ZNF442: variants seen among roughly 807,000 people sequenced by gnomAD.
The protein encoded by ZNF442 is zinc finger protein 442.
A neutral mutation model predicts 57.0 loss-of-function variants in ZNF442; 45 were observed. The ratio of observed to expected loss-of-function variants is 0.79; its 90% CI spans 0.62 to 1.01. The LOEUF is 1.01. Among genes scored for constraint, ZNF442 ranks in the 50% least tolerant of loss-of-function variants. ZNF442 has a pLI of 0.00. For synonymous variants in ZNF442, 213 were observed against 241.8 expected, an observed-to-expected ratio of 0.88 and a Z score of 1.10; for missense variants, 690 against 756.5, an observed-to-expected ratio of 0.91 and a Z score of 1.03.
chr19:12,360,325 A>G (rs1400858579), intron 3 of ZNF442, among the ~76,000 whole-genome samples: 2 of 152,188 alleles, frequency 1.3e-5, no homozygotes, highest in Admixed American at 6.5e-5. Context: ...AATCACCCCA[A>G]CTGCCCCAGC....
intron 2 of ZNF442, among the ~76,000 whole-genome samples, 158 bp downstream of exon 2, chr19:12,364,644 G>A (rs7259853): frequency 0.03 from 4,554 of 152,060 alleles, 236 homozygotes; most frequent in African/African-American, 0.1. Context: ...TAGTGGATTT[G>A]AGACCCTGCT....
rs138796747 is a variant in ZNF442, at chr19:12,350,205, G to C, written c.1380C>G (p.Pro460=). ...AGGCTTTCCCACATTTACATTTATA[G>C]GGTTTCTCTCCAGTGTGAGTTGTTT... ...RHETTHTGEK[P]YKCKCGKAFI... is the part of the protein sequence containing the mutation. Residue 460 remains proline, a synonymous_variant, in exon 6 of 6, where the codon CCC becomes CCG. Transcript: ENST00000242804. 1,122 of 1,613,462 alleles carry C rather than the reference G, an allele frequency of 7.0e-4. 3 individuals are homozygous for C. Among genetic ancestry groups the C allele is most frequent in the Middle Eastern group, 2.0e-3 (12 of 6,048 alleles).
chr19:12,350,037 A>G lies in ZNF442; in HGVS notation c.1548T>C (p.Tyr516=). The part of the protein sequence containing the change: ...HRRTHMAEKP[Y]ECKTCKKAFS... The stretch of plus-strand genomic sequence containing the variant: ...AGGCTTTCTTACATGTTTTACATTC[A>G]TAAGGTTTTTCAGCCATGTGAGTCC... Residue 516 remains tyrosine, a synonymous_variant, in exon 6 of 6, where the codon TAT becomes TAC. Transcript: ENST00000242804. The G allele has an allele frequency of 6.2e-7, 1 of 1,614,016 alleles. No homozygotes were observed. Among genetic ancestry groups the G allele is most frequent in the Non-Finnish European group, 8.5e-7 (1 of 1,180,010 alleles).
At chr19:12,363,783 GC>G in intron 2 of ZNF442, 112 bp from the exon 3 acceptor site, 1 of 666,890 alleles carries the variant, frequency 1.5e-6, no homozygotes, top group Non-Finnish European at 2.7e-6. Context: ...TCTCTGTGAG[GC>G]CCCACCCCAA....
chr19:12,363,512 G>A lies in ZNF442; in HGVS notation c.78+42C>T, dbSNP rs372385554. The A allele has an allele frequency of 4.5e-4, 722 of 1,593,768 alleles. 2 individuals carry two copies. Among genetic ancestry groups the A allele is most frequent in the Non-Finnish European group, 4.4e-4 (508 of 1,161,554 alleles). ...TCATGCACACCTGACCTGAATGGGA[G>A]GTTCTTGCACAACTGGAATGAGTGG... On this transcript the variant is annotated intron_variant, in intron 3 of 5. Transcript: ENST00000242804.
chr19:12,358,230 T>A (rs184444773), intron 3 of ZNF442, among the ~76,000 whole-genome samples: 1 of 152,346 alleles, frequency 6.6e-6, no homozygotes, highest in East Asian at 1.9e-4. Context: ...CCCAAAGTGC[T>A]GGGATTACAG....
At chr19:12,352,882 A>T (rs1219380501) in intron 4 of ZNF442, 106 bp downstream of exon 4, 1 of 1,370,304 alleles carries the variant, frequency 7.3e-7, no homozygotes, top group Admixed American at 2.4e-5. Flanking sequence ...GTGTTGTTGA[A>T]GGGTCAACTA....
At chr19:12,364,281 C>A (rs1969493613) in intron 2 of ZNF442, among the ~76,000 whole-genome samples, 1 of 151,750 alleles carries the variant, frequency 6.6e-6, no homozygotes, top group Admixed American at 6.6e-5. Context: ...GTGGTGGGTG[C>A]CTGTAATTCC....
intron 3 of ZNF442, among the ~76,000 whole-genome samples, chr19:12,355,084 G>A (rs1405087193): frequency 6.6e-6 from 1 of 151,964 alleles, no homozygotes; most frequent in Admixed American, 6.5e-5. Context: ...GAGGTCAGGA[G>A]ATCGAGACCA....
At chr19:12,363,761 G>T in intron 2 of ZNF442, 90 bp from the exon 3 acceptor site, 1 of 784,220 alleles carries the variant, frequency 1.3e-6, no homozygotes, top group Non-Finnish European at 2.1e-6. Context: ...CCCACCCAGG[G>T]CATCCAGCTG....
Position 12,349,625 on chromosome 19 carries a change from T to C in ZNF442, c.*76A>G. 2 of 1,428,416 alleles carry C rather than the reference T, an allele frequency of 1.4e-6. No homozygotes were observed. Among genetic ancestry groups the C allele is most frequent in the Non-Finnish European group, 9.5e-7 (1 of 1,056,282 alleles). 88.5% of individuals were successfully genotyped at this position (1,428,416 alleles called of 1,614,324 possible). A position where few individuals can be genotyped will look rare whatever the true frequency, so the allele number is the denominator to read the frequency against. On this transcript the variant is annotated 3_prime_UTR_variant, in exon 6 of 6. Coordinates refer to ENST00000242804, the MANE Select transcript of ZNF442 (RefSeq NM_030824.3). The stretch of plus-strand genomic sequence containing the variant: ...CTTAAGGCTTTACCATGTGTTTGCA[T>C]TCATGAGGCTTATCTCCTATGTGAT...
chr19:12,368,498 T>G (rs1330772643), upstream of ZNF442, among the ~76,000 whole-genome samples: 1 of 152,196 alleles, frequency 6.6e-6, no homozygotes, highest in Non-Finnish European at 1.5e-5. Flanking sequence ...TCGGGGTCCC[T>G]TAGTTCCCGC....
chr19:12,349,013 T>G lies in ZNF442; in HGVS notation c.*688A>C, dbSNP rs1042258092. 7.8e-5 allele frequency: 10 copies of G among 128,154 alleles called. No individual in the cohort carries two copies. The highest frequency in any genetic ancestry group is 2.7e-4 in the African/African-American group (9 of 33,390). 7.9% of individuals were successfully genotyped at this position (128,154 alleles called of 1,614,324 possible). ...CTGACCAATATGATGAAACCCCGTC[T>G]CTACTAAAAATACAAAAAAAAAAAA... On this transcript the variant is annotated 3_prime_UTR_variant, in exon 6 of 6. Transcript: ENST00000242804.
intron 3 of ZNF442, among the ~76,000 whole-genome samples, chr19:12,354,887 G>C (rs912140246): frequency 6.6e-6 from 1 of 152,142 alleles, no homozygotes; most frequent in Non-Finnish European, 1.5e-5. Flanking sequence ...TTAATCAATT[G>C]TTTTTGTGAC....
upstream of ZNF442, among the ~76,000 whole-genome samples, chr19:12,366,455 C>CT (rs564697862): frequency 6.6e-6 from 1 of 151,728 alleles, no homozygotes; most frequent in South Asian, 2.1e-4. Context: ...CGTTTTAAAC[C>CT]TTTTTTTTCT....
Position 12,363,682 on chromosome 19 carries a change from G to T in ZNF442, c.-40-11C>A, listed in dbSNP as rs1568491650. ...CCCAAGGAATGGAAACTGGGGTTGG[G>T]GAAGAACAAGGTGATTGTCCCAAGG... On this transcript the variant is annotated splice_polypyrimidine_tract_variant and intron_variant, in intron 2 of 5. Transcript: ENST00000242804. 6.6e-7 allele frequency: 1 copy of T among 1,520,960 alleles called. No individual in the cohort carries two copies. The highest frequency in any genetic ancestry group is 9.1e-7 in the Non-Finnish European group (1 of 1,095,386). The allele number at this position is 1,520,960 out of a possible 1,614,324, so 94.2% of individuals were successfully genotyped here.
At chr19:12,368,807 G>A (rs188352671), upstream of ZNF442, among the ~76,000 whole-genome samples, 2 of 152,156 alleles carry the variant, frequency 1.3e-5, no homozygotes, top group East Asian at 1.9e-4. Flanking sequence ...CTTTCCACAC[G>A]CGGTGAGCAG....
intron 3 of ZNF442, among the ~76,000 whole-genome samples, chr19:12,356,745 C>T (rs1474282140): frequency 6.6e-6 from 1 of 151,934 alleles, no homozygotes; most frequent in South Asian, 2.1e-4. Context: ...AAAAAATGCT[C>T]AACACCAATG....
upstream of ZNF442, among the ~76,000 whole-genome samples, chr19:12,369,447 CATCTCTA>C (rs1969563547): frequency 6.6e-6 from 1 of 151,858 alleles, no homozygotes; most frequent in Non-Finnish European, 1.5e-5. Context: ...GGAGAAACCC[CATCTCTA>C]CTAAAAATAC....
Sources: gnomAD v4.1 joint callset for allele counts (sites outside exome capture counted in the v4.1 genomes callset) on GRCh38, gnomAD v4.1.1 for gene constraint, MANE v1.5 for transcripts, NCBI Gene and HGNC (gene_info 2026-07-23, HGNC 2026-07-21) for gene names.